IL1RAPL1: variants seen among roughly 807,000 people sequenced by gnomAD.
The protein encoded by IL1RAPL1 is interleukin-1 receptor accessory protein-like 1.
IL1RAPL1 carries 3 observed loss-of-function variants against 48.4 expected under a neutral mutation model. That is an observed-to-expected ratio of 0.06 (90% CI 0.03 to 0.16). The LOEUF (loss-of-function observed/expected upper bound fraction) is 0.16. Ranked by LOEUF, IL1RAPL1 falls within the 10% of genes least tolerant of loss-of-function variation. The pLI is 1.00. For synonymous variants in IL1RAPL1, 185 were observed against 187.7 expected (o/e 0.99, Z 0.12); for missense variants, 349 against 530.6 (o/e 0.66, Z 3.36).
chrX:29,550,254 G>T (rs897874200), intron 5 of IL1RAPL1, among the ~76,000 whole-genome samples: 27 of 110,427 alleles, frequency 2.4e-4, no homozygotes, highest in Non-Finnish European at 4.2e-4. Context: ...TGCAGTGGCG[G>T]GATCTCGGCT....
intron 5 of IL1RAPL1, among the ~76,000 whole-genome samples, chrX:29,584,591 T>C (rs1034495758): frequency 2.7e-5 from 3 of 111,219 alleles, no homozygotes; most frequent in African/African-American, 9.8e-5. Flanking sequence ...TTACTTAAAA[T>C]TATCCAGGCT....
chrX:29,420,365 C>T (rs1184904987), intron 5 of IL1RAPL1, among the ~76,000 whole-genome samples: 1 of 112,673 alleles, frequency 8.9e-6, no homozygotes, highest in East Asian at 2.8e-4. Context: ...ACAGCTGCCA[C>T]TTTCCTGTTT....
At chrX:28,729,825 A>G (rs970002982) in intron 1 of IL1RAPL1, among the ~76,000 whole-genome samples, 3 of 110,510 alleles carry the variant, frequency 2.7e-5, no homozygotes, top group Non-Finnish European at 5.7e-5. Context: ...GTGAAACCCC[A>G]TTTCTACTAA....
intron 2 of IL1RAPL1, among the ~76,000 whole-genome samples, chrX:29,267,583 G>A (rs1931976602): frequency 9.0e-6 from 1 of 111,128 alleles, no homozygotes; most frequent in African/African-American, 3.3e-5. Context: ...TTCTACTTGT[G>A]CCCTATTTCT....
chrX:29,136,100 G>A (rs1050544006), intron 2 of IL1RAPL1, among the ~76,000 whole-genome samples: 3 of 105,962 alleles, frequency 2.8e-5, no homozygotes, highest in Non-Finnish European at 5.8e-5. Context: ...TAGTCATATA[G>A]CTTGGTAGTT....
chrX:29,435,749 T>C (rs1934475132), intron 5 of IL1RAPL1, among the ~76,000 whole-genome samples: 1 of 111,165 alleles, frequency 9.0e-6, no homozygotes, highest in South Asian at 3.7e-4. Flanking sequence ...GCTCTGACTG[T>C]ATGTATTAAA....
At chrX:29,444,843 T>C (rs1240156598) in intron 5 of IL1RAPL1, among the ~76,000 whole-genome samples, 2 of 112,110 alleles carry the variant, frequency 1.8e-5, no homozygotes, top group Non-Finnish European at 3.8e-5. Context: ...AGATAATGAT[T>C]GAATATCATT....
chrX:29,139,774 T>G, intron 2 of IL1RAPL1, among the ~76,000 whole-genome samples: 1 of 111,490 alleles, frequency 9.0e-6, no homozygotes, highest in Non-Finnish European at 1.9e-5. Context: ...TATTTGAGTA[T>G]AATTTGAAAA....
intron 5 of IL1RAPL1, among the ~76,000 whole-genome samples, chrX:29,458,690 G>A (rs1416216147): frequency 9.2e-6 from 1 of 108,269 alleles, no homozygotes; most frequent in Non-Finnish European, 1.9e-5. Flanking sequence ...TTCTCTGATC[G>A]GTATGGTCTA....
At chrX:29,165,193 C>T (rs953326751) in intron 2 of IL1RAPL1, among the ~76,000 whole-genome samples, 21 of 111,563 alleles carry the variant, frequency 1.9e-4, no homozygotes, top group Non-Finnish European at 2.1e-4. Context: ...GTGGTGGGCA[C>T]CTGTAATTCC....
intron 2 of IL1RAPL1, among the ~76,000 whole-genome samples, chrX:28,820,804 A>C (rs980489474): frequency 1.8e-5 from 2 of 111,308 alleles, no homozygotes; most frequent in African/African-American, 6.5e-5. Context: ...CGGACTCCTC[A>C]TCTGTCATCT....
At chrX:29,478,053 AAAAC>A (rs1934997432) in intron 5 of IL1RAPL1, among the ~76,000 whole-genome samples, 1 of 112,411 alleles carries the variant, frequency 8.9e-6, no homozygotes, top group Non-Finnish European at 1.9e-5. Context: ...AAGCAAAAAT[AAAAC>A]AGAAAGAAAA....
intron 2 of IL1RAPL1, among the ~76,000 whole-genome samples, chrX:29,108,290 A>T (rs1054104201): frequency 1.8e-5 from 2 of 111,634 alleles, no homozygotes; most frequent in African/African-American, 6.5e-5. Context: ...ATTACTGTAT[A>T]GTGTTACAGT....
intron 1 of IL1RAPL1, among the ~76,000 whole-genome samples, chrX:28,687,881 C>A (rs1294448119): frequency 1.8e-5 from 2 of 110,731 alleles, no homozygotes; most frequent in East Asian, 5.7e-4. Flanking sequence ...GCAGGCAGAT[C>A]ACCTGAGGTC....
At chrX:29,792,614 C>G (rs1436551471) in intron 6 of IL1RAPL1, among the ~76,000 whole-genome samples, 2 of 111,480 alleles carry the variant, frequency 1.8e-5, no homozygotes, top group East Asian at 5.6e-4. Flanking sequence ...TACCAGGAAT[C>G]TAAAATACAG....
At chrX:29,335,142 C>T (rs1432547376) in intron 3 of IL1RAPL1, among the ~76,000 whole-genome samples, 90 of 103,989 alleles carry the variant, frequency 8.7e-4, no homozygotes, top group African/African-American at 2.8e-3. Context: ...TCAGGCGTGG[C>T]GTCGCAGGCA....
chrX:28,668,125 C>T (rs190925712), intron 1 of IL1RAPL1, among the ~76,000 whole-genome samples: 114 of 111,737 alleles, frequency 1.0e-3, no homozygotes, highest in Non-Finnish European at 1.3e-3. Context: ...TGCAATTACC[C>T]TTTTTTTAGT....
At chrX:29,147,489 G>A (rs963335822) in intron 2 of IL1RAPL1, among the ~76,000 whole-genome samples, 3 of 111,590 alleles carry the variant, frequency 2.7e-5, no homozygotes, top group African/African-American at 6.5e-5. Flanking sequence ...GAGGATTGAG[G>A]TTAGGGTATG....
intron 6 of IL1RAPL1, among the ~76,000 whole-genome samples, chrX:29,738,450 C>CTTTTTTT (rs59952038): frequency 3.4e-4 from 29 of 86,123 alleles, no homozygotes; most frequent in Non-Finnish European, 4.2e-4. Flanking sequence ...CTTTTCTTTT[C>CTTTTTTT]TTTTTTTTTT....
Sources: gnomAD v4.1 joint callset for allele counts (sites outside exome capture counted in the v4.1 genomes callset) on GRCh38, gnomAD v4.1.1 for gene constraint, MANE v1.5 for transcripts, NCBI Gene and HGNC (gene_info 2026-07-23, HGNC 2026-07-21) for gene names.